HOXC4: variants seen among roughly 807,000 people sequenced by gnomAD.
The protein encoded by HOXC4 is homeobox protein Hox-C4.
A neutral mutation model predicts 25.5 loss-of-function variants in HOXC4; 15 were observed. The ratio of observed to expected loss-of-function variants is 0.59; its 90% confidence interval spans 0.39 to 0.91. HOXC4 has a LOEUF of 0.91. Among genes scored for constraint, HOXC4 ranks in the 40% least tolerant of loss-of-function variants. The pLI, the probability that HOXC4 is intolerant of heterozygous loss-of-function variation, is 0.00. For missense variants in HOXC4, 342 were observed against 352.4 expected, an observed-to-expected ratio of 0.97 and a Z score of 0.24; for synonymous variants, 165 against 148.0, an observed-to-expected ratio of 1.11 and a Z score of -0.83.
intron 1 of HOXC4, among the ~76,000 whole-genome samples, chr12:54,025,951 G>C (rs947259279): frequency 6.6e-6 from 1 of 151,590 alleles, no homozygotes; most frequent in African/African-American, 2.4e-5. Flanking sequence ...CCCCCACCCA[G>C]ACATAAAAGA....
intron 1 of HOXC4, among the ~76,000 whole-genome samples, chr12:54,045,748 G>A (rs1592245435): frequency 6.6e-6 from 1 of 152,110 alleles, no homozygotes; most frequent in East Asian, 1.9e-4. Context: ...GGTGAGTGGG[G>A]GTAGGGAACA....
intron 1 of HOXC4, chr12:54,034,309 C>G (rs376228055): frequency 6.2e-7 from 1 of 1,614,110 alleles, no homozygotes; most frequent in Admixed American, 1.7e-5. Context: ...GAACCAGTTA[C>G]ACGCGCTACC....
In HOXC4 at chr12:54,043,286, T is replaced by C. The variant is rs548281176; in HGVS notation, c.-123-9874T>C. Among the ~76,000 whole-genome samples, 8 of 152,300 alleles carry C rather than the reference T, an allele frequency of 5.3e-5. No individual in the cohort carries two copies. The South Asian group carries it at 1.7e-3, about 32-fold the overall frequency. On this transcript the variant is annotated intron_variant, in intron 1 of 3. Transcript: ENST00000303406. ...AGTTCTACAGTGATCTGCAACCCCA[T>C]ATGGGCTGGGTGAAATGTGTAGCCT...
rs1196315748 is a variant in HOXC4 at position 54,054,069 on chromosome 12, C to A, written c.147C>A (p.His49Gln). 1.2e-6 allele frequency: 2 copies of A among 1,614,180 alleles called. No homozygotes were observed. The highest frequency in any genetic ancestry group is 2.2e-5 in the South Asian group (2 of 91,088). ...RTRESGFQHHHQELYPPPPPR... is the reference protein window; with the variant it reads ...RTRESGFQHHQQELYPPPPPR... ...GGGAATCGGGATTCCAGCATCACCA[C>A]CAGGAGCTGTACCCACCACCGCCTC... Residue 49 changes from histidine to glutamine, a missense_variant, in exon 1 of 2, where the codon CAC becomes CAA. Transcript: ENST00000430889.
chr12:54,029,983 C>G (rs779937440), intron 1 of HOXC4: 1 of 1,505,288 alleles, frequency 6.6e-7, no homozygotes, highest in East Asian at 2.3e-5. Context: ...CCCTGCCACC[C>G]CTCTCTCCCT....
intron 1 of HOXC4, among the ~76,000 whole-genome samples, chr12:54,026,477 T>A (rs1051544002): frequency 6.6e-6 from 1 of 152,238 alleles, no homozygotes; most frequent in Non-Finnish European, 1.5e-5. Context: ...TTTTTCTTAA[T>A]TTAAAAATCC....
chr12:54,034,563 T>A, intron 1 of HOXC4: 1 of 1,312,244 alleles, frequency 7.6e-7, no homozygotes, highest in Non-Finnish European at 1.1e-6. Flanking sequence ...TTTTCGCCTT[T>A]CCTCTCTATA....
Position 54,054,359 on chromosome 12 carries a change from C to G in HOXC4, c.437C>G (p.Thr146Arg). The stretch of plus-strand genomic sequence containing the variant: ...TGGATGAAAAAAATTCACGTTAGCA[C>G]GGGTAGGCAACTTTGCTTTTTGCTC... ...YPWMKKIHVS[T>R]VNPNYNGGEP... is the part of the protein sequence containing the mutation. The change falls in exon 1 of 2, where the codon ACG becomes AGG. Residue 146 changes from threonine to arginine, a missense_variant and splice_region_variant. Physicochemically the swap from Thr to Arg is moderately conservative, Grantham distance 71. Transcript: ENST00000430889. The G allele has an allele frequency of 3.2e-6, 5 of 1,538,998 alleles. No individual in the cohort carries two copies. The highest frequency in any genetic ancestry group is 1.4e-5 in the African/African-American group (1 of 72,108).
intron 1 of HOXC4, among the ~76,000 whole-genome samples, chr12:54,037,048 G>A (rs775670539): frequency 6.6e-6 from 1 of 152,210 alleles, no homozygotes; most frequent in Non-Finnish European, 1.5e-5. Flanking sequence ...GGAGCTGAAG[G>A]TCTGACTCAT....
At chr12:54,029,556 G>C in intron 1 of HOXC4, 1 of 1,288,310 alleles carries the variant, frequency 7.8e-7, no homozygotes. Context: ...GCTGTGAGCT[G>C]CTGGCCAGGT....
chr12:54,020,057 CCTT>C (rs1940361910), intron 1 of HOXC4: 1 of 152,382 alleles, frequency 6.6e-6, no homozygotes, highest in African/African-American at 2.4e-5. Context: ...TTTCCCTTCT[CCTT>C]CTTTCTCTCC....
At chr12:54,049,617 G>A (rs922490788), upstream of HOXC4, among the ~76,000 whole-genome samples, 2 of 151,786 alleles carry the variant, frequency 1.3e-5, no homozygotes, top group Non-Finnish European at 2.9e-5. Flanking sequence ...ACACATCCAG[G>A]TTATTAAAAT....
intron 1 of HOXC4, among the ~76,000 whole-genome samples, chr12:54,048,164 G>A (rs1361275744): frequency 1.3e-5 from 2 of 152,124 alleles, no homozygotes; most frequent in African/African-American, 4.8e-5. Context: ...GGGCTGGAAA[G>A]GAGAAAGAAC....
chr12:54,026,155 C>G (rs1390761627), intron 1 of HOXC4, among the ~76,000 whole-genome samples: 1 of 152,128 alleles, frequency 6.6e-6, no homozygotes, highest in Non-Finnish European at 1.5e-5. Context: ...CTCTTCCGGC[C>G]TCTTCTACTT....
chr12:54,024,349 G>A (rs1940589776), intron 1 of HOXC4, among the ~76,000 whole-genome samples: 1 of 152,132 alleles, frequency 6.6e-6, no homozygotes. Flanking sequence ...TTGGGTCCCC[G>A]AGCAGCCTCA....
intron 1 of HOXC4, among the ~76,000 whole-genome samples, chr12:54,043,825 A>ACT (rs1427837158): frequency 3.3e-5 from 5 of 151,736 alleles, no homozygotes; most frequent in African/African-American, 1.2e-4. Flanking sequence ...CAAACTCCAA[A>ACT]CTCCTCAGGG....
chr12:54,039,177 G>C (rs1941231848), intron 1 of HOXC4, among the ~76,000 whole-genome samples: 1 of 152,210 alleles, frequency 6.6e-6, no homozygotes, highest in Non-Finnish European at 1.5e-5. Flanking sequence ...GTGGGGAGCA[G>C]AGGGAGTGAG....
At chr12:54,054,797 G>T (rs1007544865) in intron 1 of HOXC4, 53 bp from the exon 2 acceptor site, 2 of 1,181,238 alleles carry the variant, frequency 1.7e-6, no homozygotes, top group Non-Finnish European at 2.5e-6. Flanking sequence ...AGGGTGGGGG[G>T]CGGGGAGCCT....
upstream of HOXC4, among the ~76,000 whole-genome samples, chr12:54,049,534 T>A (rs1410558083): frequency 9.5e-6 from 1 of 104,772 alleles, no homozygotes; most frequent in Admixed American, 1.0e-4. Flanking sequence ...AAATTAACAT[T>A]CCATGATTGC....
Sources: gnomAD v4.1 joint callset for allele counts (sites outside exome capture counted in the v4.1 genomes callset) on GRCh38, gnomAD v4.1.1 for gene constraint, MANE v1.5 for transcripts, NCBI Gene and HGNC (gene_info 2026-07-23, HGNC 2026-07-21) for gene names.